IL1RAPL2: variants seen among roughly 807,000 people sequenced by gnomAD.
IL1RAPL2 encodes the protein interleukin 1 receptor accessory protein like 2.
IL1RAPL2 carries 3 observed loss-of-function variants against 44.1 expected under a neutral mutation model. The observed-to-expected ratio is 0.07, with a 90% CI of 0.03 to 0.18. The LOEUF (loss-of-function observed/expected upper bound fraction) is 0.18, where lower values mean the gene tolerates loss of function less well. Among genes scored for constraint, IL1RAPL2 ranks in the 10% least tolerant of loss-of-function variants. The probability of loss-of-function intolerance (pLI) is 1.00; values close to 1 mark genes in which losing one functional copy is unlikely to be tolerated. For missense variants in IL1RAPL2, 391 were observed against 496.4 expected, an observed-to-expected ratio of 0.79 and a Z score of 2.02; for synonymous variants, 181 against 178.8, an observed-to-expected ratio of 1.01 and a Z score of -0.10.
chrX:104,881,004 A>G (rs891021898), intron 2 of IL1RAPL2, among the ~76,000 whole-genome samples: 1 of 111,828 alleles, frequency 8.9e-6, no homozygotes, highest in African/African-American at 3.2e-5. Context: ...GTATAGTTTA[A>G]CAGCACTACA....
chrX:104,584,337 T>G, intron 1 of IL1RAPL2, among the ~76,000 whole-genome samples: 1 of 111,154 alleles, frequency 9.0e-6, no homozygotes, highest in East Asian at 2.9e-4. Flanking sequence ...CACTTTCCAT[T>G]ACCTTGGGTA....
chrX:105,131,683 A>G (rs180877860), intron 2 of IL1RAPL2, among the ~76,000 whole-genome samples: 1 of 111,043 alleles, frequency 9.0e-6, no homozygotes, highest in African/African-American at 3.3e-5. Context: ...TAGTTCTTGA[A>G]CATTACATAG....
intron 2 of IL1RAPL2, among the ~76,000 whole-genome samples, chrX:105,164,420 C>G (rs1010621832): frequency 3.6e-5 from 4 of 112,050 alleles, no homozygotes; most frequent in African/African-American, 1.3e-4. Flanking sequence ...GAAACTGGAA[C>G]AAGTTGGTTA....
At chrX:105,028,406 T>C (rs2031414917) in intron 2 of IL1RAPL2, among the ~76,000 whole-genome samples, 1 of 111,966 alleles carries the variant, frequency 8.9e-6, no homozygotes, top group Non-Finnish European at 1.9e-5. Flanking sequence ...ATGTGCTTAT[T>C]TCATAGTACA....
intron 2 of IL1RAPL2, among the ~76,000 whole-genome samples, chrX:104,671,869 T>C (rs1315504046): frequency 1.8e-5 from 2 of 111,322 alleles, no homozygotes; most frequent in South Asian, 3.8e-4. Context: ...TACTCTCAGG[T>C]TTTGCTGTTT....
intron 2 of IL1RAPL2, among the ~76,000 whole-genome samples, chrX:105,170,544 G>T (rs1306000311): frequency 9.0e-6 from 1 of 111,270 alleles, no homozygotes; most frequent in Non-Finnish European, 1.9e-5. Flanking sequence ...TAAATACAAT[G>T]ACCCCATGAA....
chrX:105,330,826 T>C (rs1262864323), intron 5 of IL1RAPL2, among the ~76,000 whole-genome samples: 1 of 111,350 alleles, frequency 9.0e-6, no homozygotes, highest in African/African-American at 3.3e-5. Context: ...ATTATTATAG[T>C]AGCCTCCTAT....
At chrX:104,849,724 G>A (rs1397742669) in intron 2 of IL1RAPL2, among the ~76,000 whole-genome samples, 1 of 110,403 alleles carries the variant, frequency 9.1e-6, no homozygotes, top group Non-Finnish European at 1.9e-5. Context: ...ATAATATGTT[G>A]ACAATTTTGA....
chrX:105,646,118 G>C (rs936007169), intron 6 of IL1RAPL2, among the ~76,000 whole-genome samples: 3 of 111,371 alleles, frequency 2.7e-5, no homozygotes, highest in African/African-American at 9.8e-5. Flanking sequence ...GAAGCTCTTC[G>C]TTGTGTTCAG....
chrX:105,119,576 G>C (rs1171620568), intron 2 of IL1RAPL2, among the ~76,000 whole-genome samples: 1 of 111,213 alleles, frequency 9.0e-6, no homozygotes, highest in Non-Finnish European at 1.9e-5. Context: ...AAATGTTTTT[G>C]ACCTAATGCT....
chrX:105,665,753 T>TTTTTTTTTTTTTTTGTTG (rs2037759802), intron 6 of IL1RAPL2, among the ~76,000 whole-genome samples: 1 of 69,315 alleles, frequency 1.4e-5, no homozygotes. Context: ...TTTTTTTTTT[T>TTTTTTTTTTTTTTTGTTG]TTGTTGTTGT....
chrX:105,162,043 C>T (rs1413562983), intron 2 of IL1RAPL2, among the ~76,000 whole-genome samples: 1 of 112,131 alleles, frequency 8.9e-6, no homozygotes, highest in Non-Finnish European at 1.9e-5. Flanking sequence ...TATGCCCACT[C>T]ACCATTGTTA....
intron 1 of IL1RAPL2, among the ~76,000 whole-genome samples, chrX:104,614,784 C>T (rs1358604801): frequency 9.0e-6 from 1 of 111,708 alleles, no homozygotes; most frequent in Non-Finnish European, 1.9e-5. Flanking sequence ...GGTTTAAATT[C>T]TGTTTTATCT....
chrX:104,820,594 A>G (rs988119579), intron 2 of IL1RAPL2, among the ~76,000 whole-genome samples: 2 of 111,893 alleles, frequency 1.8e-5, no homozygotes, highest in African/African-American at 6.5e-5. Flanking sequence ...TCTAACTCAT[A>G]GGTCTAACTC....
chrX:105,048,489 AT>A (rs1190217766), intron 2 of IL1RAPL2, among the ~76,000 whole-genome samples: 1 of 112,187 alleles, frequency 8.9e-6, no homozygotes, highest in Non-Finnish European at 1.9e-5. Context: ...TATAGTAAAA[AT>A]AACCATTTTA....
intron 2 of IL1RAPL2, among the ~76,000 whole-genome samples, chrX:104,983,643 TATA>T (rs1161547521): frequency 4.2e-4 from 41 of 98,064 alleles, no homozygotes; most frequent in African/African-American, 1.1e-3. Context: ...ATATTATACA[TATA>T]ATATTATGTA....
At chrX:105,355,841 TC>T (rs1384006729) in intron 5 of IL1RAPL2, among the ~76,000 whole-genome samples, 1 of 111,207 alleles carries the variant, frequency 9.0e-6, no homozygotes, top group African/African-American at 3.3e-5. Flanking sequence ...AGATGAATAA[TC>T]TATTTTTTTC....
chrX:105,273,149 A>T (rs1245469095), intron 5 of IL1RAPL2, among the ~76,000 whole-genome samples: 17 of 111,832 alleles, frequency 1.5e-4, no homozygotes, highest in African/African-American at 4.9e-4. Flanking sequence ...GCTTTTATCT[A>T]TTGAGAGCTC....
intron 2 of IL1RAPL2, among the ~76,000 whole-genome samples, chrX:104,894,421 C>A (rs1285437456): frequency 1.8e-5 from 2 of 111,904 alleles, no homozygotes; most frequent in Non-Finnish European, 3.8e-5. Flanking sequence ...TCTGGTACAC[C>A]AATCAGATGT....
Sources: allele counts gnomAD v4.1 joint callset (sites outside exome capture counted in the v4.1 genomes callset), GRCh38; gene constraint gnomAD v4.1.1; transcripts MANE v1.5; gene names NCBI Gene and HGNC (gene_info 2026-07-23, HGNC 2026-07-21).